Variants in NELL1 observed in about 807,000 individuals in gnomAD.
NELL1 encodes protein kinase C-binding protein NELL1.
A neutral mutation model predicts 107.4 loss-of-function variants in NELL1; 76 were observed. The ratio of observed to expected loss-of-function variants is 0.71; its 90% CI spans 0.59 to 0.86. NELL1 has a LOEUF of 0.86. Ranked by LOEUF, NELL1 falls within the 40% of genes least tolerant of loss-of-function variation. NELL1 has a pLI of 0.00. For synonymous variants in NELL1, 353 were observed against 341.2 expected (o/e 1.03, Z -0.38); for missense variants, 1,024 against 1,005.5 (o/e 1.02, Z -0.25).
intron 14 of NELL1, among the ~76,000 whole-genome samples, chr11:21,322,147 C>T (rs1228424163): frequency 3.3e-5 from 5 of 152,128 alleles, no homozygotes; most frequent in Non-Finnish European, 7.3e-5. Context: ...ACAGGAAATG[C>T]GTGGACAACT....
intron 13 of NELL1, among the ~76,000 whole-genome samples, chr11:21,196,073 T>C (rs1857145695): frequency 6.6e-6 from 1 of 152,212 alleles, no homozygotes; most frequent in Non-Finnish European, 1.5e-5. Context: ...TTGTCAGCCC[T>C]GCTTGTAGCC....
intron 13 of NELL1, among the ~76,000 whole-genome samples, chr11:21,205,459 C>T (rs1044492806): frequency 1.4e-4 from 21 of 152,186 alleles, no homozygotes; most frequent in African/African-American, 1.2e-4. Flanking sequence ...TAATGGCAGA[C>T]GGCATTCCCC....
At chr11:20,860,636 A>G (rs949137276) in intron 4 of NELL1, among the ~76,000 whole-genome samples, 4 of 152,234 alleles carry the variant, frequency 2.6e-5, no homozygotes, top group Non-Finnish European at 4.4e-5. Flanking sequence ...GTGAAGACGA[A>G]GTAATCCTAG....
chr11:21,186,032 G>A (rs532057899), intron 13 of NELL1, among the ~76,000 whole-genome samples: 5 of 151,902 alleles, frequency 3.3e-5, no homozygotes, highest in African/African-American at 1.2e-4. Flanking sequence ...AGATCTCATA[G>A]AAGGAATGGT....
intron 1 of NELL1, among the ~76,000 whole-genome samples, chr11:20,675,720 C>CTT (rs1009139207): frequency 4.6e-5 from 7 of 152,120 alleles, no homozygotes; most frequent in Admixed American, 2.0e-4. Flanking sequence ...GGTCACAGGG[C>CTT]TTATATGATC....
At chr11:21,282,157 A>G (rs930873786) in intron 14 of NELL1, among the ~76,000 whole-genome samples, 4 of 152,226 alleles carry the variant, frequency 2.6e-5, no homozygotes, top group South Asian at 2.1e-4. Flanking sequence ...TAGGAAAAAA[A>G]AATCTAACAA....
At chr11:21,364,813 A>G (rs1851179009) in intron 14 of NELL1, among the ~76,000 whole-genome samples, 1 of 152,196 alleles carries the variant, frequency 6.6e-6, no homozygotes, top group South Asian at 2.1e-4. Flanking sequence ...AAGAGGTAGC[A>G]GGGAGATGAG....
At chr11:21,255,453 T>C (rs139658528) in intron 14 of NELL1, among the ~76,000 whole-genome samples, 2 of 152,020 alleles carry the variant, frequency 1.3e-5, no homozygotes, top group Admixed American at 1.3e-4. Flanking sequence ...TAGAAAAATA[T>C]CTTGTGTGCA....
chr11:20,851,783 T>C (rs990549740), intron 4 of NELL1, among the ~76,000 whole-genome samples: 2 of 152,246 alleles, frequency 1.3e-5, no homozygotes, highest in African/African-American at 4.8e-5. Context: ...AGGAAGTTCT[T>C]GGCTTATTCA....
At chr11:21,477,095 A>G (rs1440180587) in intron 15 of NELL1, among the ~76,000 whole-genome samples, 2 of 152,136 alleles carry the variant, frequency 1.3e-5, no homozygotes, top group African/African-American at 4.8e-5. Flanking sequence ...GACTAGTGGG[A>G]CATGTGATGT....
intron 11 of NELL1, among the ~76,000 whole-genome samples, chr11:20,954,623 T>C (rs1359166203): frequency 6.6e-6 from 1 of 152,198 alleles, no homozygotes; most frequent in Non-Finnish European, 1.5e-5. Flanking sequence ...CCCATAAATA[T>C]TGAGTGAATG....
intron 13 of NELL1, among the ~76,000 whole-genome samples, chr11:21,217,541 G>T (rs2133867801): frequency 6.6e-6 from 1 of 152,216 alleles, no homozygotes; most frequent in African/African-American, 2.4e-5. Context: ...TGGACTTTTA[G>T]AAAGACTGTA....
intron 17 of NELL1, among the ~76,000 whole-genome samples, chr11:21,565,608 C>T (rs1165277834): frequency 6.6e-6 from 1 of 151,890 alleles, no homozygotes; most frequent in African/African-American, 2.4e-5. Context: ...AAGAATACTT[C>T]TGATATCACT....
chr11:20,883,839 G>C (rs747493073), intron 4 of NELL1, among the ~76,000 whole-genome samples: 24 of 152,096 alleles, frequency 1.6e-4, no homozygotes, highest in Non-Finnish European at 2.4e-4. Context: ...AATTTGCCTT[G>C]TGTCTAGTTT....
intron 14 of NELL1, among the ~76,000 whole-genome samples, chr11:21,267,911 T>C (rs977614017): frequency 6.6e-6 from 1 of 152,162 alleles, no homozygotes; most frequent in African/African-American, 2.4e-5. Context: ...CATGAAATGA[T>C]TTTCTCCATT....
intron 14 of NELL1, among the ~76,000 whole-genome samples, chr11:21,314,009 C>T (rs1471237716): frequency 1.8e-4 from 17 of 95,454 alleles, no homozygotes; most frequent in Non-Finnish European, 2.7e-4. Flanking sequence ...CCCCCCCCCC[C>T]GCGACCCCCA....
At chr11:21,293,711 G>C (rs771051100) in intron 14 of NELL1, among the ~76,000 whole-genome samples, 1 of 152,184 alleles carries the variant, frequency 6.6e-6, no homozygotes, top group African/African-American at 2.4e-5. Context: ...ACTGGATAAA[G>C]AAAATGTGGC....
At chr11:21,502,402 T>G (rs1166151008) in intron 15 of NELL1, among the ~76,000 whole-genome samples, 2 of 152,166 alleles carry the variant, frequency 1.3e-5, no homozygotes, top group Non-Finnish European at 2.9e-5. Context: ...AAAAATTTGT[T>G]TTACAATTTT....
At position 20,948,509 on chromosome 11, in the gene NELL1, A is replaced by G. The variant is rs191519370; in HGVS notation, c.1171+1074A>G. On this transcript the variant is annotated intron_variant, in intron 11 of 19. Transcript: ENST00000357134. ...GTGTTGGGAACATTACAATTCTTCTATCTATTTTGAAAAAGACAATAGTTT... is the reference window on the plus strand; with the variant it reads ...GTGTTGGGAACATTACAATTCTTCTGTCTATTTTGAAAAAGACAATAGTTT... Among the ~76,000 whole-genome samples, 6 of 152,104 alleles carry G rather than the reference A, an allele frequency of 3.9e-5. No homozygotes were observed. In the East Asian group the frequency reaches 5.8e-4, roughly 15 times the overall value.
Sources: gnomAD v4.1 joint callset for allele counts (sites outside exome capture counted in the v4.1 genomes callset) on GRCh38, gnomAD v4.1.1 for gene constraint, MANE v1.5 for transcripts, NCBI Gene and HGNC (gene_info 2026-07-23, HGNC 2026-07-21) for gene names.